The following RCAN2 variants were observed in gnomAD, a reference collection of about 807,000 sequenced individuals.
The protein encoded by RCAN2 is regulator of calcineurin 2, also known as calcipressin-2.
A neutral mutation model predicts 23.6 loss-of-function variants in RCAN2; 9 were observed. The observed-to-expected ratio is 0.38, with a 90% CI of 0.23 to 0.67. The LOEUF (loss-of-function observed/expected upper bound fraction) is 0.67. Among genes scored for constraint, RCAN2 ranks in the 30% least tolerant of loss-of-function variants. The pLI, the probability that RCAN2 is intolerant of heterozygous loss-of-function variation, is 0.51. For synonymous variants in RCAN2, 109 were observed against 115.7 expected, an observed-to-expected ratio of 0.94 and a Z score of 0.37; for missense variants, 273 against 302.3, an observed-to-expected ratio of 0.90 and a Z score of 0.72.
At chr6:46,416,820 C>T (rs1274752636) in intron 2 of RCAN2, among the ~76,000 whole-genome samples, 5 of 152,116 alleles carry the variant, frequency 3.3e-5, no homozygotes, top group Non-Finnish European at 7.4e-5. Flanking sequence ...CCGTGTCCTG[C>T]TCTGATTTTC....
In RCAN2 at chr6:46,451,708, A is replaced by G. The variant is rs562546837; in HGVS notation, c.225+5044T>C. ...ACTTGAGAAGAAGAAATTGGTTCAG[A>G]TTTAGTGGATATGCTGAATGAAAGT... is the stretch of plus-strand genomic sequence containing the variant. On this transcript the variant is annotated intron_variant, in intron 2 of 4. Coordinates refer to ENST00000371374, the MANE Select transcript of RCAN2 (RefSeq NM_001251974.2). Among the ~76,000 whole-genome samples the G allele has an allele frequency of 4.6e-5, 7 of 152,276 alleles. No homozygotes were observed. In the East Asian group the frequency reaches 7.7e-4, roughly 17 times the overall value.
At chr6:46,333,189 T>C (rs1403431342) in intron 2 of RCAN2, among the ~76,000 whole-genome samples, 1 of 152,176 alleles carries the variant, frequency 6.6e-6, no homozygotes, top group African/African-American at 2.4e-5. Flanking sequence ...TTAAGTTCAT[T>C]GTAGATTCTG....
chr6:46,298,990 G>A (rs1055362795), intron 2 of RCAN2, among the ~76,000 whole-genome samples: 2 of 152,012 alleles, frequency 1.3e-5, no homozygotes, highest in Admixed American at 6.6e-5. Flanking sequence ...ATTATCTTAA[G>A]GGAACTCATA....
intron 2 of RCAN2, among the ~76,000 whole-genome samples, chr6:46,386,248 G>A (rs1222104411): frequency 2.6e-5 from 4 of 152,038 alleles, no homozygotes; most frequent in South Asian, 2.1e-4. Flanking sequence ...ACAGTTATGC[G>A]GCCAACAAAC....
At chr6:46,232,119 A>G (rs1478468611) in intron 4 of RCAN2, among the ~76,000 whole-genome samples, 2 of 152,254 alleles carry the variant, frequency 1.3e-5, no homozygotes, top group Non-Finnish European at 2.9e-5. Flanking sequence ...GGGGAGACCC[A>G]GGAAGGAGAT....
chr6:46,284,071 C>T (rs544625450), intron 2 of RCAN2, among the ~76,000 whole-genome samples: 1 of 152,228 alleles, frequency 6.6e-6, no homozygotes, highest in South Asian at 2.1e-4. Context: ...TGGCTTATAA[C>T]ATCAGAGAAT....
chr6:46,335,788 C>T (rs561220643), intron 2 of RCAN2, among the ~76,000 whole-genome samples: 3 of 152,162 alleles, frequency 2.0e-5, no homozygotes, highest in Non-Finnish European at 4.4e-5. Flanking sequence ...GTGATACCTA[C>T]CTCTGTTTAG....
intron 2 of RCAN2, among the ~76,000 whole-genome samples, chr6:46,257,966 C>T (rs530632873): frequency 6.6e-6 from 1 of 152,206 alleles, no homozygotes; most frequent in Non-Finnish European, 1.5e-5. Flanking sequence ...GAAGAAACAG[C>T]TACTAGGGAA....
intron 2 of RCAN2, among the ~76,000 whole-genome samples, chr6:46,250,493 T>C (rs569592047): frequency 6.6e-6 from 1 of 152,188 alleles, no homozygotes; most frequent in Non-Finnish European, 1.5e-5. Flanking sequence ...GCAAGATTCA[T>C]AGAATTTTAA....
At chr6:46,376,640 G>A (rs1765467474) in intron 2 of RCAN2, among the ~76,000 whole-genome samples, 1 of 151,974 alleles carries the variant, frequency 6.6e-6, no homozygotes, top group Non-Finnish European at 1.5e-5. Flanking sequence ...AGGAGATCAC[G>A]CCACTGTGGC....
intron 2 of RCAN2, among the ~76,000 whole-genome samples, chr6:46,345,584 A>G (rs972246215): frequency 2.6e-5 from 4 of 152,152 alleles, no homozygotes; most frequent in Non-Finnish European, 4.4e-5. Context: ...CAGGGAACAC[A>G]TGGGGGTTCC....
At chr6:46,232,226 C>T (rs755868835) in intron 4 of RCAN2, among the ~76,000 whole-genome samples, 54 of 152,232 alleles carry the variant, frequency 3.5e-4, no homozygotes, top group Admixed American at 3.4e-3. Context: ...TTGCAAACTA[C>T]GCATATGCGG....
intron 2 of RCAN2, among the ~76,000 whole-genome samples, chr6:46,445,476 A>C (rs1407286221): frequency 1.3e-5 from 2 of 152,230 alleles, no homozygotes; most frequent in Non-Finnish European, 2.9e-5. Flanking sequence ...AAAAGACAGG[A>C]ATAAGTCCCT....
Position 46,348,309 on chromosome 6 carries a change from A to G in RCAN2, c.226-99413T>C, listed in dbSNP as rs144040566. Among the ~76,000 whole-genome samples the G allele has an allele frequency of 8.4e-4, 128 of 152,352 alleles. 1 individual carries two copies. The highest frequency in any genetic ancestry group is 2.7e-3 in the African/African-American group (113 of 41,584). ...GTCAGATCACAACCTCTGTGATTTA[A>G]TTATACATGTCCTCTGTTCTTAAAG... On this transcript the variant is annotated intron_variant, in intron 2 of 4. Coordinates refer to ENST00000371374, the MANE Select transcript of RCAN2 (RefSeq NM_001251974.2).
chr6:46,491,575 C>T (rs1769155831), upstream of RCAN2, among the ~76,000 whole-genome samples: 1 of 152,064 alleles, frequency 6.6e-6, no homozygotes, highest in Non-Finnish European at 1.5e-5. Context: ...GGCCTCTTCT[C>T]ATCTCCTCCC....
At chr6:46,345,093 A>T (rs965869456) in intron 2 of RCAN2, among the ~76,000 whole-genome samples, 7 of 152,068 alleles carry the variant, frequency 4.6e-5, no homozygotes, top group Non-Finnish European at 1.0e-4. Context: ...CCTTACAAAT[A>T]GTAAGCATAA....
intron 2 of RCAN2, among the ~76,000 whole-genome samples, chr6:46,367,794 C>T (rs1025194528): frequency 7.2e-5 from 11 of 152,060 alleles, no homozygotes; most frequent in East Asian, 3.9e-4. Context: ...TTTCTTTAAA[C>T]GCTATGTTTA....
chr6:46,304,870 A>G (rs1328892796), intron 2 of RCAN2, among the ~76,000 whole-genome samples: 1 of 152,110 alleles, frequency 6.6e-6, no homozygotes, highest in East Asian at 1.9e-4. Flanking sequence ...GCAATTGCAC[A>G]ATTTACTAGA....
chr6:46,263,503 A>ATGTGTGTGTGTGTG (rs879389951), intron 2 of RCAN2, among the ~76,000 whole-genome samples: 1 of 70,554 alleles, frequency 1.4e-5, no homozygotes, highest in Non-Finnish European at 3.2e-5. Context: ...GTATGTGTGT[A>ATGTGTGTGTGTGTG]TGTGTGTGTA....
Sources: gnomAD v4.1 joint callset for allele counts (sites outside exome capture counted in the v4.1 genomes callset) on GRCh38, gnomAD v4.1.1 for gene constraint, MANE v1.5 for transcripts, NCBI Gene and HGNC (gene_info 2026-07-23, HGNC 2026-07-21) for gene names.